The following LAMA3 variants were observed in gnomAD, a reference collection of about 807,000 sequenced individuals.
The protein encoded by LAMA3 is laminin subunit alpha-3.
LAMA3 carries 281 observed loss-of-function variants against 402.0 expected under a neutral mutation model. The ratio of observed to expected loss-of-function variants is 0.70; its 90% CI spans 0.63 to 0.77. The LOEUF (loss-of-function observed/expected upper bound fraction) is 0.77, where lower values mean the gene tolerates loss of function less well. Ranked by LOEUF, LAMA3 falls within the 30% of genes least tolerant of loss-of-function variation. The pLI, the probability that LAMA3 is intolerant of heterozygous loss-of-function variation, is 0.00. For missense variants in LAMA3, 3,840 were observed against 4,215.5 expected, an observed-to-expected ratio of 0.91 and a Z score of 2.47; for synonymous variants, 1,431 against 1,558.4, an observed-to-expected ratio of 0.92 and a Z score of 1.93.
intron 1 of LAMA3, among the ~76,000 whole-genome samples, chr18:23,702,059 G>A (rs1029361870): frequency 9.9e-5 from 15 of 152,156 alleles, no homozygotes; most frequent in Admixed American, 8.5e-4. Context: ...TCAGGGGACA[G>A]GAGCTTCTCC....
At chr18:23,896,903 G>A (rs2080894024) in intron 44 of LAMA3, among the ~76,000 whole-genome samples, 1 of 152,120 alleles carries the variant, frequency 6.6e-6, no homozygotes, top group South Asian at 2.1e-4. Context: ...CACAAAGAAA[G>A]GGGAACTCCC....
chr18:23,905,699 T>C, intron 52 of LAMA3, 75 bp downstream of exon 52: 1 of 793,802 alleles, frequency 1.3e-6, no homozygotes, highest in South Asian at 1.4e-5. Context: ...GGGGCAGCCC[T>C]AGAAGCAAAT....
chr18:23,696,787 A>C (rs2060693269), intron 1 of LAMA3, among the ~76,000 whole-genome samples: 1 of 152,256 alleles, frequency 6.6e-6, no homozygotes, highest in East Asian at 1.9e-4. Context: ...GGCGTGAGCC[A>C]CTGCACCCTG....
At chr18:23,733,641 T>C (rs1452684519) in intron 2 of LAMA3, among the ~76,000 whole-genome samples, 1 of 152,208 alleles carries the variant, frequency 6.6e-6, no homozygotes, top group East Asian at 1.9e-4. Flanking sequence ...AAGAAGGAGC[T>C]TTTCCATTTG....
At chr18:23,714,477 G>C (rs548426754) in intron 2 of LAMA3, among the ~76,000 whole-genome samples, 4 of 152,016 alleles carry the variant, frequency 2.6e-5, no homozygotes, top group Admixed American at 6.5e-5. Context: ...CCAAGATCGC[G>C]CCACTGCACT....
chr18:23,823,148 C>T (rs191953169), intron 20 of LAMA3, among the ~76,000 whole-genome samples: 21 of 152,282 alleles, frequency 1.4e-4, no homozygotes, highest in East Asian at 1.3e-3. Context: ...ACCCAACTTG[C>T]GTGGCTGGAG....
chr18:23,913,342 G>A lies in LAMA3; in HGVS notation c.7329+461G>A, dbSNP rs1560280. Among the ~76,000 whole-genome samples, 273 of 152,282 alleles carry A rather than the reference G, an allele frequency of 1.8e-3. 1 individual carries two copies. Among genetic ancestry groups the A allele is most frequent in the African/African-American group, 6.3e-3 (261 of 41,570 alleles). On this transcript the variant is annotated intron_variant, in intron 56 of 74. Coordinates refer to ENST00000313654, the MANE Select transcript of LAMA3 (RefSeq NM_198129.4). ...CCTGTGGGATGGAGAGATTATGGGT[G>A]AGGACTGGAGTGGAATGAATCCTCC... is the stretch of plus-strand genomic sequence containing the variant.
At chr18:23,812,023 G>A (rs1259407641) in intron 13 of LAMA3, among the ~76,000 whole-genome samples, 7 of 151,870 alleles carry the variant, frequency 4.6e-5, no homozygotes, top group East Asian at 2.0e-4. Context: ...ACAGGCATGT[G>A]CCACCATGCC....
chr18:23,783,622 G>A (rs2062480285), intron 11 of LAMA3, among the ~76,000 whole-genome samples: 1 of 152,216 alleles, frequency 6.6e-6, no homozygotes, highest in Non-Finnish European at 1.5e-5. Context: ...CTGATATGTA[G>A]TAGGGCTGAA....
intron 23 of LAMA3, among the ~76,000 whole-genome samples, chr18:23,831,956 C>T (rs1302058992): frequency 1.3e-5 from 2 of 152,180 alleles, no homozygotes; most frequent in Non-Finnish European, 2.9e-5. Flanking sequence ...AAATAACACA[C>T]ATAAATAATC....
In LAMA3 at chr18:23,776,997, C is replaced by T. The variant is rs143042347; in HGVS notation, c.1406-560C>T. 1.3e-3 allele frequency among the ~76,000 whole-genome samples: 192 copies of T among 152,124 alleles called. 1 individual carries two copies. The highest frequency in any genetic ancestry group is 4.3e-3 in the African/African-American group (178 of 41,512). ...TTGGGATTACAGGCATGTGCCACCA[C>T]GCCTGGCTAATTTTGTATTTTTAGT... On this transcript the variant is annotated intron_variant, in intron 10 of 74. Coordinates refer to ENST00000313654, the MANE Select transcript of LAMA3 (RefSeq NM_198129.4).
At chr18:23,764,997 A>G (rs1401539258) in intron 8 of LAMA3, among the ~76,000 whole-genome samples, 3 of 152,232 alleles carry the variant, frequency 2.0e-5, no homozygotes, top group Non-Finnish European at 4.4e-5. Context: ...TAAACAAATG[A>G]CAAAACCACA....
chr18:23,749,487 G>T lies in LAMA3; in HGVS notation c.625G>T (p.Asp209Tyr). The T allele has an allele frequency of 6.2e-7, 1 of 1,613,436 alleles. No homozygotes were observed. Among genetic ancestry groups the T allele is most frequent in the Non-Finnish European group, 8.5e-7 (1 of 1,179,384 alleles). The part of the protein sequence containing the change: ...GREANMAVTR[D>Y]DDVLCVTEYS... ...GGAGGCAAATATGGCTGTCACCCGGGATGATGATGTACTTTGTGTTACTGA... is the reference window on the plus strand; with the variant it reads ...GGAGGCAAATATGGCTGTCACCCGGTATGATGATGTACTTTGTGTTACTGA... Residue 209 changes from aspartate (D) to tyrosine (Y), a missense_variant, in exon 4 of 75, where the codon GAT becomes TAT. Asp to Tyr is a radical substitution (Grantham distance 160). Coordinates refer to ENST00000313654, the MANE Select transcript of LAMA3 (RefSeq NM_198129.4).
chr18:23,911,338 C>A (rs902654875), intron 55 of LAMA3, among the ~76,000 whole-genome samples: 1 of 152,078 alleles, frequency 6.6e-6, no homozygotes, highest in Non-Finnish European at 1.5e-5. Flanking sequence ...AAATCTCATT[C>A]TTTTGTATTC....
At chr18:23,767,702 T>A (rs575611642) in intron 8 of LAMA3, among the ~76,000 whole-genome samples, 1 of 151,636 alleles carries the variant, frequency 6.6e-6, no homozygotes, top group East Asian at 1.9e-4. Flanking sequence ...GCCTCCCAAG[T>A]AGCTGGGACT....
At chr18:23,835,459 G>T (rs1781223044) in intron 24 of LAMA3, among the ~76,000 whole-genome samples, 1 of 152,174 alleles carries the variant, frequency 6.6e-6, no homozygotes. Context: ...ACCTAAGTCT[G>T]AATGGAGTTA....
chr18:23,733,705 A>G (rs969037899), intron 2 of LAMA3, among the ~76,000 whole-genome samples: 3 of 152,186 alleles, frequency 2.0e-5, no homozygotes, highest in Admixed American at 2.0e-4. Flanking sequence ...GTGACCAGTT[A>G]TCCCAGTTTG....
intron 29 of LAMA3, among the ~76,000 whole-genome samples, chr18:23,844,057 C>T (rs952976902): frequency 6.6e-6 from 1 of 152,190 alleles, no homozygotes; most frequent in Non-Finnish European, 1.5e-5. Context: ...CTGAGGAAGT[C>T]GTCTTCCCAG....
At chr18:23,935,901 T>C (rs1467566487) in intron 67 of LAMA3, among the ~76,000 whole-genome samples, 1 of 151,834 alleles carries the variant, frequency 6.6e-6, no homozygotes, top group African/African-American at 2.4e-5. Flanking sequence ...AGGAACTGGG[T>C]CTGGAGTGTG....
Sources: allele counts gnomAD v4.1 joint callset (sites outside exome capture counted in the v4.1 genomes callset), GRCh38; gene constraint gnomAD v4.1.1; transcripts MANE v1.5; gene names NCBI Gene and HGNC (gene_info 2026-07-23, HGNC 2026-07-21).